HMG20A: variants seen among roughly 807,000 people sequenced by gnomAD.
HMG20A encodes high mobility group protein 20A.
HMG20A carries 17 observed loss-of-function variants against 43.9 expected under a neutral mutation model. The ratio of observed to expected loss-of-function variants is 0.39; its 90% CI spans 0.27 to 0.58. The LOEUF is 0.58. Ranked by LOEUF, HMG20A falls within the 20% of genes least tolerant of loss-of-function variation. The pLI is 0.59. For missense variants in HMG20A, 341 were observed against 438.2 expected, an observed-to-expected ratio of 0.78 and a Z score of 1.98; for synonymous variants, 132 against 147.5, an observed-to-expected ratio of 0.89 and a Z score of 0.76.
rs115852627 is a variant in HMG20A, at chr15:77,469,224, T to C, written c.451-1686T>C. On this transcript the variant is annotated intron_variant, in intron 4 of 9. Coordinates refer to ENST00000336216, the MANE Select transcript of HMG20A (RefSeq NM_001304504.2). ...TCCTTTGTCATTAATAAGTAATCTA[T>C]GGGGAGACGATTTAAGAACATACAA... Among the ~76,000 whole-genome samples, 1,095 of 111,628 alleles carry C rather than the reference T, an allele frequency of 9.8e-3. 19 individuals are homozygous for C. The highest frequency in any genetic ancestry group is 0.029 in the African/African-American group (1,041 of 35,664). 73.2% of individuals were successfully genotyped at this position (111,628 alleles called of 152,430 possible).
chr15:77,516,447 G>C, the HMG20A span, among the ~76,000 whole-genome samples: 1 of 152,108 alleles, frequency 6.6e-6, no homozygotes, highest in African/African-American at 2.4e-5. Context: ...CTGCACTTCA[G>C]CTTGGGCAAC....
At chr15:77,481,475 T>A (rs972792677) in intron 9 of HMG20A, among the ~76,000 whole-genome samples, 3 of 152,190 alleles carry the variant, frequency 2.0e-5, no homozygotes, top group African/African-American at 7.2e-5. Flanking sequence ...AAGAAAACAT[T>A]AATTGATAAC....
chr15:77,503,590 T>C, the HMG20A span, among the ~76,000 whole-genome samples: 11,580 of 152,182 alleles, frequency 0.076, 578 homozygotes, highest in Non-Finnish European at 0.1. Flanking sequence ...GGAGAGGCAT[T>C]ATATTCCCAC....
At chr15:77,476,782 T>C (rs1382273928) in intron 6 of HMG20A, among the ~76,000 whole-genome samples, 1 of 152,300 alleles carries the variant, frequency 6.6e-6, no homozygotes, top group East Asian at 1.9e-4. Flanking sequence ...AGCCAAAGCA[T>C]CTTGAGTTAT....
chr15:77,507,878 G>C, the HMG20A span, among the ~76,000 whole-genome samples: 40 of 151,640 alleles, frequency 2.6e-4, no homozygotes, highest in Admixed American at 2.2e-3. Context: ...AGCATGTTGT[G>C]GGGGGGCGGT....
chr15:77,422,921 G>A (rs1481553356), intron 1 of HMG20A, among the ~76,000 whole-genome samples: 5 of 152,086 alleles, frequency 3.3e-5, no homozygotes, highest in African/African-American at 7.2e-5. Context: ...CTATATTAAT[G>A]TAATATAGAA....
intron 1 of HMG20A, among the ~76,000 whole-genome samples, chr15:77,433,369 A>T (rs543472714): frequency 6.6e-6 from 1 of 151,032 alleles, no homozygotes; most frequent in East Asian, 1.9e-4. Context: ...AAATTTCTTC[A>T]AAGAAAACCA....
chr15:77,506,171 G>C, the HMG20A span, among the ~76,000 whole-genome samples: 4 of 150,560 alleles, frequency 2.7e-5, no homozygotes, highest in African/African-American at 7.3e-5. Context: ...ATATAAGTAA[G>C]TATGTCCCAT....
At chr15:77,435,960 C>T (rs1310458811) in intron 1 of HMG20A, among the ~76,000 whole-genome samples, 1 of 152,078 alleles carries the variant, frequency 6.6e-6, no homozygotes, top group Non-Finnish European at 1.5e-5. Context: ...CTCCTTTTAA[C>T]CTATTATCTC....
chr15:77,485,790 G>A (rs2072942137), downstream of HMG20A, among the ~76,000 whole-genome samples: 1 of 152,246 alleles, frequency 6.6e-6, no homozygotes, highest in Middle Eastern at 3.4e-3. Context: ...AAATTAGCCG[G>A]GCATGGTGGC....
At chr15:77,462,748 TTTTTTCTTTTTC>T (rs1223693736) in intron 2 of HMG20A, among the ~76,000 whole-genome samples, 3 of 151,070 alleles carry the variant, frequency 2.0e-5, no homozygotes, top group East Asian at 1.9e-4. Context: ...ATTCTACCTC[TTTTTTCTTTTTC>T]TTTTTCTTTT....
chr15:77,449,418 G>A (rs1276469571), intron 1 of HMG20A, among the ~76,000 whole-genome samples: 1 of 152,102 alleles, frequency 6.6e-6, no homozygotes, highest in African/African-American at 2.4e-5. Flanking sequence ...CATTCACACT[G>A]TAAAACATAT....
chr15:77,495,092 A>C, the HMG20A span, among the ~76,000 whole-genome samples: 1 of 152,358 alleles, frequency 6.6e-6, no homozygotes, highest in Admixed American at 6.5e-5. Flanking sequence ...TGCTTAGGTG[A>C]AGAGAAGTCT....
chr15:77,427,332 T>C (rs1025738787), intron 1 of HMG20A, among the ~76,000 whole-genome samples: 1 of 152,156 alleles, frequency 6.6e-6, no homozygotes, highest in Non-Finnish European at 1.5e-5. Context: ...AATAAAACTA[T>C]AGCTATTTTC....
chr15:77,516,559 C>T, the HMG20A span, among the ~76,000 whole-genome samples: 3 of 152,092 alleles, frequency 2.0e-5, no homozygotes, highest in Non-Finnish European at 4.4e-5. Context: ...CATGTGTGTC[C>T]CACTTGGGGC....
the HMG20A span, among the ~76,000 whole-genome samples, chr15:77,496,930 A>G: frequency 6.6e-6 from 1 of 152,220 alleles, no homozygotes; most frequent in Non-Finnish European, 1.5e-5. Context: ...CAAGAGAGTG[A>G]TAGAGCCCAT....
chr15:77,509,555 C>CGTGTGTGTGTGT, the HMG20A span, among the ~76,000 whole-genome samples: 1 of 115,402 alleles, frequency 8.7e-6, no homozygotes, highest in African/African-American at 3.5e-5. Flanking sequence ...TGTGCCCAGC[C>CGTGTGTGTGTGT]GTGTGTGTGT....
intron 1 of HMG20A, among the ~76,000 whole-genome samples, chr15:77,455,366 T>C (rs1359050555): frequency 1.3e-5 from 2 of 150,582 alleles, no homozygotes; most frequent in Non-Finnish European, 3.0e-5. Flanking sequence ...TTAATATAAT[T>C]CTCATTACAA....
downstream of HMG20A, among the ~76,000 whole-genome samples, chr15:77,489,584 A>G (rs965480): frequency 0.63 from 95,279 of 152,072 alleles, 30,490 homozygotes; most frequent in Non-Finnish European, 0.71. Context: ...TGCTGGGGAA[A>G]AAGAGACTAC....
Sources: gnomAD v4.1 joint callset for allele counts (sites outside exome capture counted in the v4.1 genomes callset) on GRCh38, gnomAD v4.1.1 for gene constraint, MANE v1.5 for transcripts, NCBI Gene and HGNC (gene_info 2026-07-23, HGNC 2026-07-21) for gene names.